Variants in XIRP2 observed in about 807,000 individuals in gnomAD.
The protein encoded by XIRP2 is xin actin-binding repeat-containing protein 2.
Under a neutral mutation model 277.0 loss-of-function variants are expected in XIRP2, and 236 were observed. The ratio of observed to expected loss-of-function variants is 0.85; its 90% CI spans 0.77 to 0.95. The LOEUF (loss-of-function observed/expected upper bound fraction) is 0.95. Ranked by LOEUF, XIRP2 falls within the 40% of genes least tolerant of loss-of-function variation. XIRP2 has a pLI of 0.00. For synonymous variants in XIRP2, 1,490 were observed against 1,416.5 expected (o/e 1.05, Z -1.17); for missense variants, 4,640 against 4,157.5 (o/e 1.12, Z -3.19).
At chr2:167,003,425 G>T (rs1687423438) in intron 2 of XIRP2, among the ~76,000 whole-genome samples, 1 of 151,848 alleles carries the variant, frequency 6.6e-6, no homozygotes, top group Non-Finnish European at 1.5e-5. Flanking sequence ...CTTCAAAGAA[G>T]AGAAGATATT....
intron 3 of XIRP2, among the ~76,000 whole-genome samples, chr2:167,178,592 G>A (rs951607277): frequency 6.6e-6 from 1 of 151,578 alleles, no homozygotes; most frequent in African/African-American, 2.4e-5. Context: ...ATACAGCTTT[G>A]TAAATAGTAA....
At chr2:167,096,142 C>A (rs1336346513) in intron 2 of XIRP2, among the ~76,000 whole-genome samples, 1 of 151,750 alleles carries the variant, frequency 6.6e-6, no homozygotes, top group Admixed American at 6.6e-5. Context: ...CCTCTTTGTA[C>A]CTCTGGTATA....
chr2:167,103,499 A>G (rs1165693594), intron 2 of XIRP2, among the ~76,000 whole-genome samples: 1 of 152,138 alleles, frequency 6.6e-6, no homozygotes, highest in Non-Finnish European at 1.5e-5. Flanking sequence ...AGCTTTCCCT[A>G]CAAACCTTGA....
Position 167,152,715 on chromosome 2 carries a change from C to A in XIRP2, c.562+16653C>A, listed in dbSNP as rs565776876. On this transcript the variant is annotated intron_variant, in intron 3 of 10. Coordinates refer to ENST00000409195, the MANE Select transcript of XIRP2 (RefSeq NM_152381.6). ...GACCAGAAAAACAGTATAACAAAAA[C>A]CTCAATGCTAGACAGGTGAGCAGTC... is the stretch of plus-strand genomic sequence containing the variant. Among the ~76,000 whole-genome samples, 13 of 151,968 alleles carry A rather than the reference C, an allele frequency of 8.6e-5. No individual in the cohort carries two copies. The East Asian group carries it at 2.5e-3, about 29-fold the overall frequency.
At chr2:167,043,628 C>T (rs1390073046) in intron 2 of XIRP2, among the ~76,000 whole-genome samples, 5 of 151,882 alleles carry the variant, frequency 3.3e-5, no homozygotes, top group Non-Finnish European at 7.4e-5. Flanking sequence ...TACAACCTCC[C>T]AAGATTGAAC....
chr2:166,936,586 T>C (rs1685509829), intron 2 of XIRP2, among the ~76,000 whole-genome samples: 1 of 152,228 alleles, frequency 6.6e-6, no homozygotes, highest in African/African-American at 2.4e-5. Context: ...AATTAATTTT[T>C]GTATAAGGTG....
chr2:167,017,222 C>T (rs748934478), intron 2 of XIRP2, among the ~76,000 whole-genome samples: 2 of 151,968 alleles, frequency 1.3e-5, no homozygotes, highest in Non-Finnish European at 2.9e-5. Context: ...ATGACTACAA[C>T]TGGTACTAAT....
intron 2 of XIRP2, among the ~76,000 whole-genome samples, chr2:167,093,276 A>G (rs1040427174): frequency 2.7e-5 from 4 of 150,788 alleles, no homozygotes; most frequent in African/African-American, 9.7e-5. Context: ...ATGTTTGATT[A>G]TATATATATA....
chr2:167,027,468 G>A (rs753790184), intron 2 of XIRP2, among the ~76,000 whole-genome samples: 14 of 151,966 alleles, frequency 9.2e-5, no homozygotes, highest in East Asian at 7.7e-4. Context: ...CCTGTAGCTC[G>A]GAGTAGTTTG....
In XIRP2 at chr2:166,897,417, G is replaced by A. The variant is rs530337503; in HGVS notation, c.-18-6048G>A. ...GGTAATAGAGGGAATGGTGGCATGC[G>A]TCACCATCGACAATACTGAAAACAT... On this transcript the variant is annotated intron_variant, in intron 1 of 10. Coordinates refer to ENST00000409195, the MANE Select transcript of XIRP2 (RefSeq NM_152381.6). Among the ~76,000 whole-genome samples, 148 of 152,064 alleles carry A rather than the reference G, an allele frequency of 9.7e-4. 1 individual carries two copies. The highest frequency in any genetic ancestry group is 1.5e-3 in the Non-Finnish European group (100 of 67,990).
intron 2 of XIRP2, among the ~76,000 whole-genome samples, chr2:166,965,980 A>T (rs1686423619): frequency 6.6e-6 from 1 of 151,850 alleles, no homozygotes; most frequent in South Asian, 2.1e-4. Flanking sequence ...ATAAAAATTT[A>T]TTTGCACATG....
At chr2:166,926,495 C>T (rs773191470) in intron 2 of XIRP2, among the ~76,000 whole-genome samples, 13 of 152,054 alleles carry the variant, frequency 8.5e-5, no homozygotes, top group Non-Finnish European at 1.9e-4. Flanking sequence ...TCAAAAGAAA[C>T]GAGAGGTCAT....
At chr2:167,082,270 T>C (rs1484481677) in intron 2 of XIRP2, among the ~76,000 whole-genome samples, 2 of 152,224 alleles carry the variant, frequency 1.3e-5, no homozygotes, top group Non-Finnish European at 2.9e-5. Flanking sequence ...ACAAAGGACA[T>C]GAACTCATCC....
At chr2:167,252,728 T>A (rs1035895303) in intron 9 of XIRP2, among the ~76,000 whole-genome samples, 4 of 151,972 alleles carry the variant, frequency 2.6e-5, no homozygotes, top group Admixed American at 2.6e-4. Context: ...TGAGGCTTCA[T>A]GATAAAAGAA....
At chr2:167,238,344 G>A (rs556848738) in intron 5 of XIRP2, among the ~76,000 whole-genome samples, 12 of 152,026 alleles carry the variant, frequency 7.9e-5, no homozygotes, top group African/African-American at 2.7e-4. Context: ...ACATTTAAAC[G>A]TGTAAGTCCA....
rs368440061 is a variant in XIRP2, at chr2:167,248,811, A to T, written c.7419A>T (p.Glu2473Asp). Reference protein sequence around the residue: ...QKKVMVMTSSEHTETKQNVIS... With the variant: ...QKKVMVMTSSDHTETKQNVIS... ...AAGTAATGGTGATGACCAGCAGTGA[A>T]CACACGGAGACAAAGCAGAACGTTA... is the stretch of plus-strand genomic sequence containing the variant. The change falls in exon 9 of 11, where the codon GAA (glutamate) becomes GAT (aspartate). Residue 2473 changes from glutamate (E) to aspartate (D), a missense_variant. Transcript: ENST00000409195. 16 of 1,613,770 alleles carry T rather than the reference A, an allele frequency of 9.9e-6. No homozygotes were observed. Among genetic ancestry groups the T allele is most frequent in the Non-Finnish European group, 1.4e-5 (16 of 1,179,814 alleles).
chr2:167,050,081 C>G (rs116277684), intron 2 of XIRP2, among the ~76,000 whole-genome samples: 1 of 152,032 alleles, frequency 6.6e-6, no homozygotes, highest in Admixed American at 6.6e-5. Flanking sequence ...TTAACAGCAT[C>G]TGTCTTATCC....
intron 3 of XIRP2, among the ~76,000 whole-genome samples, chr2:167,143,529 G>A (rs1691786748): frequency 6.6e-6 from 1 of 152,130 alleles, no homozygotes; most frequent in South Asian, 2.1e-4. Flanking sequence ...ACTTCCATAT[G>A]TTTGATGCTT....
At chr2:167,171,145 C>T (rs1344225144) in intron 3 of XIRP2, among the ~76,000 whole-genome samples, 2 of 152,036 alleles carry the variant, frequency 1.3e-5, no homozygotes, top group Non-Finnish European at 2.9e-5. Flanking sequence ...GGTGATCTGT[C>T]CACCTCAGCC....
Sources: gnomAD v4.1 joint callset for allele counts (sites outside exome capture counted in the v4.1 genomes callset) on GRCh38, gnomAD v4.1.1 for gene constraint, MANE v1.5 for transcripts, NCBI Gene and HGNC (gene_info 2026-07-23, HGNC 2026-07-21) for gene names.